Variants in ZNF438 observed in about 807,000 individuals in gnomAD.
The protein encoded by ZNF438 is zinc finger protein 438.
Under a neutral mutation model 38.0 loss-of-function variants are expected in ZNF438, and 25 were observed. The observed-to-expected ratio is 0.66, with a 90% CI of 0.48 to 0.92. ZNF438 has a LOEUF of 0.92. Ranked by LOEUF, ZNF438 falls within the 40% of genes least tolerant of loss-of-function variation. ZNF438 has a pLI of 0.00. For missense variants in ZNF438, 1,007 were observed against 999.6 expected (o/e 1.01, Z -0.10); for synonymous variants, 372 against 364.1 (o/e 1.02, Z -0.25).
At chr10:30,935,533 G>C (rs2046155001) in intron 2 of ZNF438, among the ~76,000 whole-genome samples, 1 of 152,134 alleles carries the variant, frequency 6.6e-6, no homozygotes, top group Non-Finnish European at 1.5e-5. Context: ...ATTCATGAGG[G>C]ATCTGCGCCC....
At chr10:30,845,263 G>T in exon 6 of ZNF438, 1 of 1,614,100 alleles carries the variant, frequency 6.2e-7, no homozygotes, top group Non-Finnish European at 8.5e-7. Context: ...AGGTGGAGCT[G>T]CCTTTTCAGT....
chr10:30,872,194 A>T lies in ZNF438; in HGVS notation c.37+4804T>A, dbSNP rs116220360. Among the ~76,000 whole-genome samples, 1,246 of 151,692 alleles carry T rather than the reference A, an allele frequency of 8.2e-3. 14 individuals carry two copies. The highest frequency in any genetic ancestry group is 0.028 in the African/African-American group (1,147 of 41,382). On this transcript the variant is annotated intron_variant, in intron 4 of 5. Transcript: ENST00000413025. ...GCGGATTACAAGGTACAAGTCAAGC[A>T]AGTGGAATTTAAGCCAGGGGGTTAA...
At chr10:30,920,662 C>T (rs1177704445) in intron 2 of ZNF438, 2 of 152,136 alleles carry the variant, frequency 1.3e-5, no homozygotes, top group Non-Finnish European at 2.9e-5. Context: ...ACCTGGGTAT[C>T]CTGCACCCTG....
At chr10:30,936,110 C>T (rs1023933439) in intron 2 of ZNF438, among the ~76,000 whole-genome samples, 1 of 152,318 alleles carries the variant, frequency 6.6e-6, no homozygotes, top group Middle Eastern at 3.4e-3. Flanking sequence ...ATGAGACAGT[C>T]AGACAGCCAG....
At chr10:30,889,324 T>C (rs754931708) in intron 3 of ZNF438, among the ~76,000 whole-genome samples, 18 of 152,208 alleles carry the variant, frequency 1.2e-4, no homozygotes, top group Non-Finnish European at 8.8e-5. Flanking sequence ...ATTAATACAA[T>C]GTATCAATGT....
At chr10:30,965,378 A>T (rs2049990208) in intron 1 of ZNF438, among the ~76,000 whole-genome samples, 1 of 152,192 alleles carries the variant, frequency 6.6e-6, no homozygotes, top group Admixed American at 6.5e-5. Context: ...CAGTTTGGAG[A>T]GTTCTCAAAG....
At chr10:30,980,577 A>G (rs929037865) in intron 1 of ZNF438, among the ~76,000 whole-genome samples, 7 of 152,262 alleles carry the variant, frequency 4.6e-5, no homozygotes, top group African/African-American at 1.7e-4. Context: ...TTTTAGACAT[A>G]CTAAGTTTGA....
chr10:30,876,414 G>C (rs1204292355), intron 4 of ZNF438, among the ~76,000 whole-genome samples: 1 of 152,146 alleles, frequency 6.6e-6, no homozygotes, highest in Non-Finnish European at 1.5e-5. Flanking sequence ...ATGAAGAAAG[G>C]ACTCTACCTC....
chr10:30,969,058 T>C (rs1439308499), intron 1 of ZNF438, among the ~76,000 whole-genome samples: 2 of 152,052 alleles, frequency 1.3e-5, no homozygotes, highest in African/African-American at 4.8e-5. Flanking sequence ...ACATTTAAAA[T>C]ATGGAATGGA....
chr10:30,890,448 A>G (rs1428551493), intron 3 of ZNF438, among the ~76,000 whole-genome samples: 1 of 152,078 alleles, frequency 6.6e-6, no homozygotes. Context: ...TCCTTCCTAC[A>G]TATCTCTAAA....
At chr10:30,958,525 A>AC (rs1318546473) in intron 1 of ZNF438, among the ~76,000 whole-genome samples, 1 of 146,802 alleles carries the variant, frequency 6.8e-6, no homozygotes, top group Non-Finnish European at 1.5e-5. Flanking sequence ...CATTTGTACT[A>AC]CTTTTATAAT....
intron 4 of ZNF438, among the ~76,000 whole-genome samples, chr10:30,858,922 A>G (rs2035130106): frequency 6.6e-6 from 1 of 152,190 alleles, no homozygotes; most frequent in Non-Finnish European, 1.5e-5. Flanking sequence ...TTCGCAGGGA[A>G]GGAAATTCTC....
intron 1 of ZNF438, among the ~76,000 whole-genome samples, chr10:31,000,338 T>C (rs943199408): frequency 1.3e-5 from 2 of 152,208 alleles, no homozygotes; most frequent in African/African-American, 4.8e-5. Context: ...TGGCATCACT[T>C]GGGAGCAGAA....
intron 1 of ZNF438, among the ~76,000 whole-genome samples, chr10:30,981,202 A>T (rs1307559336): frequency 5.3e-5 from 8 of 152,242 alleles, no homozygotes; most frequent in Non-Finnish European, 1.2e-4. Flanking sequence ...ACAGAGAACA[A>T]CTGACATGTT....
intron 3 of ZNF438, among the ~76,000 whole-genome samples, chr10:30,900,165 T>C (rs1348418568): frequency 3.3e-5 from 5 of 152,328 alleles, no homozygotes; most frequent in African/African-American, 1.2e-4. Context: ...ATAAAAACTA[T>C]GTATGGATAC....
intron 1 of ZNF438, among the ~76,000 whole-genome samples, chr10:30,948,020 G>A (rs1430372799): frequency 6.7e-6 from 1 of 149,408 alleles, no homozygotes; most frequent in South Asian, 2.1e-4. Context: ...GTTCCTATTC[G>A]GCCATCTTGG....
intron 1 of ZNF438, among the ~76,000 whole-genome samples, chr10:31,001,621 A>T (rs2054666734): frequency 6.6e-6 from 1 of 152,222 alleles, no homozygotes; most frequent in Non-Finnish European, 1.5e-5. Flanking sequence ...CATTTTCTGC[A>T]TATTACCTTT....
At chr10:30,955,296 T>G (rs762514697) in intron 1 of ZNF438, among the ~76,000 whole-genome samples, 1 of 152,168 alleles carries the variant, frequency 6.6e-6, no homozygotes, top group Non-Finnish European at 1.5e-5. Flanking sequence ...TGGACTGTGG[T>G]GGATTAAAGA....
intron 1 of ZNF438, among the ~76,000 whole-genome samples, chr10:31,016,878 C>G (rs779402933): frequency 1.1e-4 from 17 of 152,144 alleles, no homozygotes; most frequent in Non-Finnish European, 2.1e-4. Context: ...TCTTCCCACT[C>G]TGAAATAGTC....
Sources: gnomAD v4.1 joint callset for allele counts (sites outside exome capture counted in the v4.1 genomes callset) on GRCh38, gnomAD v4.1.1 for gene constraint, MANE v1.5 for transcripts, NCBI Gene and HGNC (gene_info 2026-07-23, HGNC 2026-07-21) for gene names.